BICRAL: variants seen among roughly 807,000 people sequenced by gnomAD.
BICRAL encodes the protein BICRA like chromatin remodeling complex associated protein.
BICRAL carries 8 observed loss-of-function variants against 91.8 expected under a neutral mutation model. The ratio of observed to expected loss-of-function variants is 0.09; its 90% confidence interval spans 0.05 to 0.16. The LOEUF (loss-of-function observed/expected upper bound fraction) is 0.16. Ranked by LOEUF, BICRAL falls within the 10% of genes least tolerant of loss-of-function variation. The pLI, the probability that BICRAL is intolerant of heterozygous loss-of-function variation, is 1.00. For synonymous variants in BICRAL, 445 were observed against 491.1 expected (o/e 0.91, Z 1.24); for missense variants, 1,038 against 1,310.9 (o/e 0.79, Z 3.21).
chr6:42,863,189 C>T (rs554127018), intron 12 of BICRAL, among the ~76,000 whole-genome samples: 3 of 152,034 alleles, frequency 2.0e-5, no homozygotes, highest in Admixed American at 1.3e-4. Flanking sequence ...GCTGGGACTA[C>T]AGGCGCCTGC....
chr6:42,789,727 G>A (rs1763212725), intron 1 of BICRAL, among the ~76,000 whole-genome samples: 1 of 151,896 alleles, frequency 6.6e-6, no homozygotes, highest in Non-Finnish European at 1.5e-5. Context: ...CTTTAGAAAT[G>A]AAATTTCAGA....
intron 1 of BICRAL, among the ~76,000 whole-genome samples, chr6:42,774,873 C>G (rs902965504): frequency 6.6e-6 from 1 of 151,302 alleles, no homozygotes. Flanking sequence ...TTTGTGCCTG[C>G]TTAGTACATA....
chr6:42,760,688 G>A (rs919826381), intron 1 of BICRAL, among the ~76,000 whole-genome samples: 2 of 152,116 alleles, frequency 1.3e-5, no homozygotes, highest in African/African-American at 2.4e-5. Context: ...TTACAGGCAT[G>A]AGCCACTGTG....
chr6:42,814,519 A>ATATATATATAT (rs1237976324), intron 2 of BICRAL, among the ~76,000 whole-genome samples: 6 of 80,214 alleles, frequency 7.5e-5, no homozygotes, highest in South Asian at 4.3e-4. Flanking sequence ...ATATATATAT[A>ATATATATATAT]TTTTTTTTTT....
intron 1 of BICRAL, among the ~76,000 whole-genome samples, chr6:42,750,877 C>CTTTTTTTTTTTTTTTTT (rs397886906): frequency 1.1e-5 from 1 of 90,722 alleles, no homozygotes; most frequent in Non-Finnish European, 2.1e-5. Flanking sequence ...CGCGCCCGGC[C>CTTTTTTTTTTTTTTTTT]TTTTTTTTTT....
intron 6 of BICRAL, among the ~76,000 whole-genome samples, chr6:42,844,508 CAAAAAAAAAAAAAAAAAAAAAAAAAAA>C (rs34115804): frequency 3.2e-5 from 1 of 31,438 alleles, no homozygotes; most frequent in African/African-American, 7.0e-5. Flanking sequence ...GACTCCATCT[CAAAAAAAAAAAAAAAAAAAAAAAAAAA>C]AAAAAAAAAA....
At chr6:42,813,198 A>G (rs1763888090) in intron 2 of BICRAL, among the ~76,000 whole-genome samples, 1 of 152,212 alleles carries the variant, frequency 6.6e-6, no homozygotes. Flanking sequence ...ATTTTTCTAA[A>G]TTGGAGGGAA....
intron 1 of BICRAL, among the ~76,000 whole-genome samples, chr6:42,763,703 CCCAGGT>C (rs1762590266): frequency 1.3e-5 from 2 of 151,612 alleles, no homozygotes; most frequent in African/African-American, 4.8e-5. Flanking sequence ...TGCCTGTAAT[CCCAGGT>C]ACTTGGGAGG....
At chr6:42,815,908 C>T (rs368089893) in intron 2 of BICRAL, among the ~76,000 whole-genome samples, 2 of 143,922 alleles carry the variant, frequency 1.4e-5, no homozygotes, top group African/African-American at 5.2e-5. Context: ...CACTTGAACC[C>T]GGTAAGCGGA....
chr6:42,864,728 G>A lies in BICRAL; in HGVS notation c.2522G>A (p.Arg841Gln), dbSNP rs76238872. The A allele has an allele frequency of 1.1e-4, 172 of 1,614,064 alleles. No individual in the cohort carries two copies. The highest frequency in any genetic ancestry group is 3.3e-4 in the Middle Eastern group (2 of 6,062). Residue 841 changes from arginine (R) to glutamine (Q), a missense_variant, in exon 13 of 13, where the codon CGG (arginine) becomes CAG (glutamine). Around this residue, in one of 5 missense-constraint regions of BICRAL, gnomAD observed 294 missense variants for 292.6 expected, o/e 1.00. Transcript: ENST00000314073. The part of the protein sequence containing the change: ...DKAAHETQFG[R>Q]SDQHGSKASS... ...GCTGCTCATGAGACACAGTTTGGCC[G>A]GAGTGACCAGCATGGCAGTAAAGCA... is the stretch of plus-strand genomic sequence containing the variant.
At chr6:42,814,478 C>CGTGTGT (rs1491362297) in intron 2 of BICRAL, among the ~76,000 whole-genome samples, 3 of 91,302 alleles carry the variant, frequency 3.3e-5, no homozygotes, top group African/African-American at 6.3e-5. Flanking sequence ...CATATACATG[C>CGTGTGT]ATGTGTGTGT....
chr6:42,787,327 G>T (rs1763129148), intron 1 of BICRAL, among the ~76,000 whole-genome samples: 1 of 152,088 alleles, frequency 6.6e-6, no homozygotes, highest in Admixed American at 6.6e-5. Flanking sequence ...GTAAATACTT[G>T]GGAGGCATCC....
At chr6:42,816,470 G>A (rs1483534960) in intron 2 of BICRAL, among the ~76,000 whole-genome samples, 11 of 151,686 alleles carry the variant, frequency 7.3e-5, no homozygotes, top group Non-Finnish European at 1.3e-4. Flanking sequence ...ACTTTTGCCC[G>A]GGCTGGAGTG....
intron 6 of BICRAL, among the ~76,000 whole-genome samples, chr6:42,848,752 G>T (rs949496824): frequency 1.3e-5 from 2 of 152,120 alleles, no homozygotes; most frequent in Non-Finnish European, 2.9e-5. Context: ...GAGGTGGGAG[G>T]ATCCCTTGAG....
At chr6:42,770,152 T>G (rs888022443) in intron 1 of BICRAL, among the ~76,000 whole-genome samples, 2 of 152,336 alleles carry the variant, frequency 1.3e-5, no homozygotes, top group African/African-American at 2.4e-5. Flanking sequence ...CCTTTCCCCA[T>G]GTGATTTGGA....
At chr6:42,849,680 CCGCCCACCTCGGCCTCCCAA>C (rs1765118974) in intron 6 of BICRAL, among the ~76,000 whole-genome samples, 1 of 151,960 alleles carries the variant, frequency 6.6e-6, no homozygotes, top group Non-Finnish European at 1.5e-5. Flanking sequence ...ACCTCGTGAT[CCGCCCACCTCGGCCTCCCAA>C]AGTGCTGGGA....
At position 42,857,227 on chromosome 6, in the gene BICRAL, T is replaced by C. The variant is rs1425854338; in HGVS notation, c.2245T>C (p.Leu749=). 1.2e-6 allele frequency: 2 copies of C among 1,612,652 alleles called. No homozygotes were observed. Among genetic ancestry groups the C allele is most frequent in the Non-Finnish European group, 1.7e-6 (2 of 1,179,284 alleles). The change falls in exon 10 of 13, where the codon TTG becomes CTG. Residue 749 remains leucine, a synonymous_variant. Coordinates refer to ENST00000314073, the MANE Select transcript of BICRAL (RefSeq NM_001393499.1). ...GGGCTCCATGCCCACTGAAGAAGAC[T>C]TGAGAAAAGGTAAGCAGGCTGGGAC... ...CQGSMPTEED[L]RKVDNEFETV... is the part of the protein sequence containing the mutation.
At chr6:42,802,428 TTTG>T (rs1554277645) in intron 1 of BICRAL, among the ~76,000 whole-genome samples, 172 of 103,996 alleles carry the variant, frequency 1.7e-3, no homozygotes, top group Non-Finnish European at 2.1e-3. Context: ...CGTGTTTTTT[TTTG>T]TTGTTGTTGT....
intron 1 of BICRAL, among the ~76,000 whole-genome samples, chr6:42,750,355 G>A (rs1167470177): frequency 3.3e-5 from 5 of 151,458 alleles, no homozygotes; most frequent in Non-Finnish European, 7.4e-5. Context: ...GCAAAGACAG[G>A]GTTTTGCTGT....
Sources: allele counts gnomAD v4.1 joint callset (sites outside exome capture counted in the v4.1 genomes callset), GRCh38; gene constraint gnomAD v4.1.1; regional missense constraint gnomAD v4.1.1; transcripts MANE v1.5; gene names NCBI Gene and HGNC (gene_info 2026-07-23, HGNC 2026-07-21).